Variants in ROBO2 observed in about 807,000 individuals in gnomAD.
ROBO2 encodes roundabout guidance receptor 2.
ROBO2 carries 53 observed loss-of-function variants against 160.8 expected under a neutral mutation model. The ratio of observed to expected loss-of-function variants is 0.33; its 90% CI spans 0.26 to 0.41. The LOEUF (loss-of-function observed/expected upper bound fraction) is 0.41. ROBO2 is among the 10% of genes least tolerant of loss of function. The pLI is 1.00. For synonymous variants in ROBO2, 664 were observed against 611.7 expected (o/e 1.09, Z -1.26); for missense variants, 1,577 against 1,722.4 (o/e 0.92, Z 1.49).
chr3:76,179,340 G>T (rs1233379579), intron 2 of ROBO2, among the ~76,000 whole-genome samples: 1 of 152,122 alleles, frequency 6.6e-6, no homozygotes, highest in African/African-American at 2.4e-5. Flanking sequence ...CAAAGGGCAT[G>T]AATCTTCTTT....
intron 24 of ROBO2, among the ~76,000 whole-genome samples, chr3:77,644,157 G>C (rs1057332316): frequency 2.0e-5 from 3 of 151,906 alleles, no homozygotes; most frequent in African/African-American, 7.3e-5. Flanking sequence ...ATTTAAATGT[G>C]TGAGTTTCTC....
intron 2 of ROBO2, among the ~76,000 whole-genome samples, chr3:76,406,018 G>A (rs959750186): frequency 6.6e-6 from 1 of 151,350 alleles, no homozygotes; most frequent in African/African-American, 2.4e-5. Context: ...CTAAATAGAT[G>A]TCTATATATG....
intron 21 of ROBO2, among the ~76,000 whole-genome samples, chr3:77,610,032 CAT>C (rs1000933334): frequency 4.6e-5 from 7 of 150,780 alleles, no homozygotes; most frequent in African/African-American, 1.7e-4. Context: ...GTAATAAAAA[CAT>C]ATTTAAAGTT....
chr3:76,356,614 A>T (rs2075184083), intron 2 of ROBO2, among the ~76,000 whole-genome samples: 1 of 151,740 alleles, frequency 6.6e-6, no homozygotes, highest in African/African-American at 2.4e-5. Context: ...GCATATTTTT[A>T]CCTGATAACA....
At chr3:76,424,231 G>A (rs2108954838) in intron 2 of ROBO2, among the ~76,000 whole-genome samples, 1 of 152,184 alleles carries the variant, frequency 6.6e-6, no homozygotes, top group East Asian at 1.9e-4. Flanking sequence ...TTTAAATTAT[G>A]CAATGAATTG....
intron 2 of ROBO2, among the ~76,000 whole-genome samples, chr3:77,292,420 GA>G (rs2061411137): frequency 6.6e-6 from 1 of 151,916 alleles, no homozygotes; most frequent in East Asian, 1.9e-4. Flanking sequence ...CGGTTAAACG[GA>G]TAAGCTGAGG....
At chr3:76,683,482 C>T (rs1370457602) in intron 2 of ROBO2, among the ~76,000 whole-genome samples, 2 of 140,234 alleles carry the variant, frequency 1.4e-5, no homozygotes, top group African/African-American at 5.3e-5. Flanking sequence ...AAAAAAAAAC[C>T]TGGAAAACAC....
chr3:77,205,188 C>A (rs1413180153), intron 2 of ROBO2, among the ~76,000 whole-genome samples: 1 of 152,112 alleles, frequency 6.6e-6, no homozygotes, highest in African/African-American at 2.4e-5. Context: ...CTTTCTGTAT[C>A]CTGAATTCTT....
At chr3:77,319,377 C>A (rs961083407) in intron 2 of ROBO2, among the ~76,000 whole-genome samples, 1 of 152,152 alleles carries the variant, frequency 6.6e-6, no homozygotes, top group Non-Finnish European at 1.5e-5. Flanking sequence ...GGCATACATA[C>A]AGAAATCTCC....
chr3:77,229,323 T>C (rs1279567172), intron 2 of ROBO2, among the ~76,000 whole-genome samples: 1 of 152,134 alleles, frequency 6.6e-6, no homozygotes, highest in Non-Finnish European at 1.5e-5. Flanking sequence ...CAGTGTACTA[T>C]AATGCTAATA....
At chr3:77,561,566 T>C (rs1000229190) in intron 9 of ROBO2, among the ~76,000 whole-genome samples, 3 of 152,156 alleles carry the variant, frequency 2.0e-5, no homozygotes, top group African/African-American at 7.2e-5. Flanking sequence ...TTTCTGAAAG[T>C]CCTTTGCCAC....
chr3:76,363,602 A>G (rs937195672), intron 2 of ROBO2, among the ~76,000 whole-genome samples: 1 of 152,042 alleles, frequency 6.6e-6, no homozygotes, highest in Non-Finnish European at 1.5e-5. Flanking sequence ...TGTTCTGCAC[A>G]TGATCCTTCT....
At chr3:76,601,810 G>A (rs1486539075) in intron 2 of ROBO2, among the ~76,000 whole-genome samples, 1 of 152,170 alleles carries the variant, frequency 6.6e-6, no homozygotes, top group Non-Finnish European at 1.5e-5. Flanking sequence ...AATTTCTGCA[G>A]CCAGCATGAA....
At chr3:77,009,623 T>A (rs1297925057) in intron 2 of ROBO2, among the ~76,000 whole-genome samples, 2 of 152,140 alleles carry the variant, frequency 1.3e-5, no homozygotes, top group African/African-American at 4.8e-5. Context: ...AAGAAAGAAT[T>A]TATTCCAAAA....
Position 76,483,965 on chromosome 3 carries a change from C to T in ROBO2, c.109+546363C>T, listed in dbSNP as rs374779695. 1.1e-3 allele frequency among the ~76,000 whole-genome samples: 161 copies of T among 152,246 alleles called. 6 individuals carry two copies. The South Asian group carries it at 0.032, about 31-fold the overall frequency. ...AACATTTTCTTTATCCGGTCTATCA[C>T]TGATGGTCATTTAGGTTGATTACAC... On this transcript the variant is annotated intron_variant, in intron 2 of 26. Coordinates refer to the ROBO2 transcript ENST00000487694.
At chr3:77,139,019 A>T (rs1029670148) in intron 2 of ROBO2, among the ~76,000 whole-genome samples, 2 of 152,208 alleles carry the variant, frequency 1.3e-5, no homozygotes, top group African/African-American at 4.8e-5. Context: ...TGTTGTAAGA[A>T]TTTATTATAT....
chr3:75,924,455 C>T (rs1947197873), intron 1 of ROBO2, among the ~76,000 whole-genome samples: 1 of 151,908 alleles, frequency 6.6e-6, no homozygotes, highest in African/African-American at 2.4e-5. Context: ...AATCTCCTGA[C>T]AAAATATAGA....
At chr3:76,689,984 T>C (rs1364603662) in intron 2 of ROBO2, among the ~76,000 whole-genome samples, 3 of 152,132 alleles carry the variant, frequency 2.0e-5, no homozygotes, top group Non-Finnish European at 4.4e-5. Flanking sequence ...GTCGTTGAAA[T>C]TGATTACTCC....
chr3:76,519,652 G>A (rs987242520), intron 2 of ROBO2, among the ~76,000 whole-genome samples: 1 of 152,076 alleles, frequency 6.6e-6, no homozygotes, highest in African/African-American at 2.4e-5. Flanking sequence ...TTGCATACTA[G>A]GACATTGGAA....
Sources: allele counts gnomAD v4.1 joint callset (sites outside exome capture counted in the v4.1 genomes callset), GRCh38; gene constraint gnomAD v4.1.1; transcripts MANE v1.5; gene names NCBI Gene and HGNC (gene_info 2026-07-23, HGNC 2026-07-21).